PDHX: variants seen among roughly 807,000 people sequenced by gnomAD.
PDHX encodes the protein pyruvate dehydrogenase protein X component, mitochondrial.
PDHX carries 33 observed loss-of-function variants against 55.3 expected under a neutral mutation model. The ratio of observed to expected loss-of-function variants is 0.60; its 90% CI spans 0.45 to 0.80. The LOEUF is 0.80. PDHX is among the 30% of genes least tolerant of loss of function. The pLI is 0.00. For missense variants in PDHX, 622 were observed against 619.9 expected (o/e 1.00, Z -0.04); for synonymous variants, 226 against 219.4 (o/e 1.03, Z -0.27).
chr11:34,984,149 C>T (rs1490198954), intron 8 of PDHX, among the ~76,000 whole-genome samples: 2 of 152,136 alleles, frequency 1.3e-5, no homozygotes, highest in African/African-American at 4.8e-5. Context: ...ATATATATCC[C>T]AGAGCTGGGC....
chr11:34,995,019 C>T lies in PDHX; in HGVS notation c.1353C>T (p.Leu451=), dbSNP rs1855831824. ...GGAGGTTCCGACCTGTGCTGAAGCT[C>T]ACTGAGGATGAAGAGGGAAATGCCA... The part of the protein sequence containing the change: ...AVGRFRPVLK[L]TEDEEGNAKL... Residue 451 remains leucine, a synonymous_variant, in exon 11 of 11, where the codon CTC becomes CTT. Transcript: ENST00000227868. The T allele has an allele frequency of 6.2e-7, 1 of 1,614,016 alleles. No homozygotes were observed. Among genetic ancestry groups the T allele is most frequent in the Non-Finnish European group, 8.5e-7 (1 of 1,179,938 alleles).
rs139949106 is a variant in PDHX at position 34,953,161 on chromosome 11, A to G, written c.343-4223A>G. Among the ~76,000 whole-genome samples the G allele has an allele frequency of 3.0e-3, 452 of 152,364 alleles. 1 individual carries two copies. The highest frequency in any genetic ancestry group is 0.01 in the African/African-American group (428 of 41,584). On this transcript the variant is annotated intron_variant, in intron 3 of 10. Transcript: ENST00000227868. ...GACGTGAAGGACCTCTTCAAGTAGA[A>G]CTACAAACCACTGCTCAATGAAATA... is the stretch of plus-strand genomic sequence containing the variant.
At chr11:34,916,405 G>C, upstream of PDHX, 1 of 1,518,538 alleles carries the variant, frequency 6.6e-7, no homozygotes, top group South Asian at 1.2e-5. Flanking sequence ...CAGCCCGGGG[G>C]CGGGGCGAAC....
chr11:34,971,394 G>A (rs1288399294), intron 7 of PDHX, among the ~76,000 whole-genome samples: 1 of 151,988 alleles, frequency 6.6e-6, no homozygotes, highest in African/African-American at 2.4e-5. Flanking sequence ...CTTGATTTTG[G>A]GGGAAAAGCA....
Position 34,985,133 on chromosome 11 carries a change from A to G in PDHX, c.1182+405A>G, listed in dbSNP as rs556574509. 2.8e-3 allele frequency among the ~76,000 whole-genome samples: 425 copies of G among 152,270 alleles called. 3 individuals carry two copies. Among genetic ancestry groups the G allele is most frequent in the African/African-American group, 9.9e-3 (412 of 41,560 alleles). On this transcript the variant is annotated intron_variant, in intron 9 of 10. Transcript: ENST00000227868. The stretch of plus-strand genomic sequence containing the variant: ...CTTAAAGTGTATTTACTTCTTCTCT[A>G]AAATTGAGACCATTAAAAGAACTTA...
chr11:34,962,812 ATATATGATGCGC>A (rs1565161953), intron 5 of PDHX, among the ~76,000 whole-genome samples: 2 of 152,204 alleles, frequency 1.3e-5, no homozygotes, highest in South Asian at 2.1e-4. Flanking sequence ...TGCTTAATAC[ATATATGATGCGC>A]AAATATCTTT....
intron 4 of PDHX, among the ~76,000 whole-genome samples, chr11:34,958,684 C>A (rs1389201954): frequency 6.6e-6 from 1 of 152,162 alleles, no homozygotes; most frequent in Non-Finnish European, 1.5e-5. Flanking sequence ...TCTCCTCTTT[C>A]ATTTACCCTA....
intron 2 of PDHX, among the ~76,000 whole-genome samples, chr11:34,932,603 G>A (rs1407037777): frequency 6.6e-6 from 1 of 152,188 alleles, no homozygotes; most frequent in Non-Finnish European, 1.5e-5. Context: ...GCTGTGGAGG[G>A]AAGGGAAGAA....
intron 1 of PDHX, among the ~76,000 whole-genome samples, chr11:34,927,329 C>G (rs10488804): frequency 0.19 from 28,819 of 152,016 alleles, 3,902 homozygotes; most frequent in African/African-American, 0.39. Flanking sequence ...GAAACTAATA[C>G]TAGGAAACGT....
rs938714227 is a variant in PDHX, at chr11:34,984,425, A to G, written c.1024-145A>G. ...TAAAAGATAATTGACACAGAACTCC[A>G]TACCATTTTTTCAAACGAAATTTTT... On this transcript the variant is annotated intron_variant, in intron 8 of 10. Transcript: ENST00000227868. 6.0e-6 allele frequency: 4 copies of G among 664,708 alleles called. No homozygotes were observed. The African/African-American group carries it at 7.3e-5, about 12-fold the overall frequency. 41.2% of individuals were successfully genotyped at this position (664,708 alleles called of 1,614,324 possible).
In PDHX at chr11:34,987,736, GTGTGTGTGTGTGTA is replaced by G. The variant is rs1446855227; in HGVS notation, c.1182+3022_1182+3035del. The stretch of plus-strand genomic sequence containing the variant: ...CACCAAGTAGAAACCCTGAGTGTGT[GTGTGTGTGTGTGTA>G]TGTGTGTGTGTGTTCTTCACGTCCA... On this transcript the variant is annotated intron_variant, in intron 9 of 10. Coordinates refer to ENST00000227868, the MANE Select transcript of PDHX (RefSeq NM_003477.3). 1.7e-4 allele frequency among the ~76,000 whole-genome samples: 26 copies of G among 151,530 alleles called. No homozygotes were observed. In the South Asian group the frequency reaches 4.6e-3, roughly 27 times the overall value.
In PDHX at chr11:34,965,804, G is replaced by A. The variant is rs185685395; in HGVS notation, c.642-836G>A. Among the ~76,000 whole-genome samples the A allele has an allele frequency of 3.9e-3, 587 of 152,172 alleles. 1 individual carries two copies. Among genetic ancestry groups the A allele is most frequent in the African/African-American group, 0.013 (558 of 41,526 alleles). On this transcript the variant is annotated intron_variant, in intron 5 of 10. Transcript: ENST00000227868. ...GAGAAATAATTTTTCCTTAGATTTT[G>A]TGTCATCCTGAAGTTCTTTTTAGAT...
chr11:34,955,485 A>T (rs1379102156), intron 3 of PDHX, among the ~76,000 whole-genome samples: 3 of 152,218 alleles, frequency 2.0e-5, no homozygotes, highest in Non-Finnish European at 4.4e-5. Context: ...TCTGTTATAT[A>T]TTCAAGTTGT....
In PDHX at chr11:34,947,743, A is replaced by G. The variant is rs898113374; in HGVS notation, c.342+137A>G. On this transcript the variant is annotated intron_variant, in intron 3 of 10. Coordinates refer to ENST00000227868, the MANE Select transcript of PDHX (RefSeq NM_003477.3). The stretch of plus-strand genomic sequence containing the variant: ...TACTACATAATACATTTTTAGTTCA[A>G]GTGTTTAAAATGTTTTAGAGTTAAG... The G allele has an allele frequency of 4.5e-6, 3 of 668,824 alleles. No homozygotes were observed. In the African/African-American group the frequency reaches 5.5e-5, roughly 12 times the overall value. 41.4% of individuals were successfully genotyped at this position (668,824 alleles called of 1,614,324 possible). A position where few individuals can be genotyped will look rare whatever the true frequency, so the allele number is the denominator to read the frequency against.
chr11:34,934,571 A>ATTTTTTTTTTTTTTTT (rs35227178), intron 2 of PDHX, among the ~76,000 whole-genome samples: 1 of 92,414 alleles, frequency 1.1e-5, no homozygotes, highest in African/African-American at 4.4e-5. Flanking sequence ...GATATTATGG[A>ATTTTTTTTTTTTTTTT]TTTTTTTTTT....
At chr11:34,954,310 C>G (rs997942404) in intron 3 of PDHX, among the ~76,000 whole-genome samples, 1 of 152,094 alleles carries the variant, frequency 6.6e-6, no homozygotes, top group Non-Finnish European at 1.5e-5. Context: ...GGAATGAGCC[C>G]TCTCAATTTC....
chr11:34,948,823 A>T (rs932992754), intron 3 of PDHX, among the ~76,000 whole-genome samples: 4 of 152,216 alleles, frequency 2.6e-5, no homozygotes, highest in African/African-American at 9.6e-5. Context: ...ATTGAAACAG[A>T]TTGCTTGAAT....
intron 2 of PDHX, among the ~76,000 whole-genome samples, chr11:34,945,856 C>G (rs983017638): frequency 2.0e-5 from 3 of 152,178 alleles, no homozygotes; most frequent in Non-Finnish European, 2.9e-5. Context: ...GCAAGCTACA[C>G]AGATCCGTAT....
chr11:34,937,687 T>C (rs41512444), intron 2 of PDHX, among the ~76,000 whole-genome samples: 3,416 of 152,204 alleles, frequency 0.022, 70 homozygotes, highest in South Asian at 0.077. Context: ...AAAATGATTT[T>C]GAATCTATAT....
Sources: gnomAD v4.1 joint callset for allele counts (sites outside exome capture counted in the v4.1 genomes callset) on GRCh38, gnomAD v4.1.1 for gene constraint, MANE v1.5 for transcripts, NCBI Gene and HGNC (gene_info 2026-07-23, HGNC 2026-07-21) for gene names.